HIBADH: variants seen among roughly 807,000 people sequenced by gnomAD.
The protein encoded by HIBADH is 3-hydroxyisobutyrate dehydrogenase.
Under a neutral mutation model 36.1 loss-of-function variants are expected in HIBADH, and 25 were observed. The observed-to-expected ratio is 0.69, with a 90% confidence interval of 0.50 to 0.97. HIBADH has a LOEUF of 0.97. HIBADH is among the 50% of genes least tolerant of loss of function. HIBADH has a pLI of 0.00. For missense variants in HIBADH, 421 were observed against 418.0 expected (o/e 1.01, Z -0.06); for synonymous variants, 160 against 149.5 (o/e 1.07, Z -0.51).
chr7:27,544,903 A>G (rs1008126799), intron 4 of HIBADH, among the ~76,000 whole-genome samples: 1 of 152,254 alleles, frequency 6.6e-6, no homozygotes, highest in South Asian at 2.1e-4. Flanking sequence ...TTGCTTAAGC[A>G]AGAGAAGACC....
At chr7:27,616,809 A>T (rs58486517) in intron 4 of HIBADH, among the ~76,000 whole-genome samples, 1,131 of 14,096 alleles carry the variant, frequency 0.08, 13 homozygotes, top group East Asian at 0.39. Context: ...AAAAAAAAAA[A>T]ATTTTTAATT....
chr7:27,538,431 G>A lies in HIBADH; in HGVS notation c.619-14C>T, dbSNP rs375843757. On this transcript the variant is annotated splice_polypyrimidine_tract_variant and intron_variant, in intron 5 of 7. Transcript: ENST00000265395. Reference sequence around the variant, plus strand: ...GATCTTTGCCGCCTGAAAATAAATTGAGTACATATTAAATATCTGTATTTT... The same window carrying A: ...GATCTTTGCCGCCTGAAAATAAATTAAGTACATATTAAATATCTGTATTTT... The A allele has an allele frequency of 1.9e-4, 299 of 1,605,942 alleles. 1 individual carries two copies. The highest frequency in any genetic ancestry group is 1.3e-4 in the South Asian group (12 of 90,900).
intron 2 of HIBADH, among the ~76,000 whole-genome samples, chr7:27,645,374 T>TTG (rs1562657243): frequency 8.2e-6 from 1 of 122,386 alleles, no homozygotes; most frequent in Non-Finnish European, 1.7e-5. Flanking sequence ...TTTGATTTTT[T>TTG]TTTTTTTTTT....
At chr7:27,549,284 A>AG in intron 4 of HIBADH, among the ~76,000 whole-genome samples, 1 of 152,222 alleles carries the variant, frequency 6.6e-6, no homozygotes, top group Non-Finnish European at 1.5e-5. Flanking sequence ...CTTTTATCAC[A>AG]AAAATAGTAT....
intron 4 of HIBADH, among the ~76,000 whole-genome samples, chr7:27,544,453 A>G (rs1375664096): frequency 6.6e-6 from 1 of 152,246 alleles, no homozygotes; most frequent in African/African-American, 2.4e-5. Flanking sequence ...TTTGGATTAT[A>G]TACAAAAACC....
At chr7:27,577,559 T>C (rs1330711454) in intron 4 of HIBADH, among the ~76,000 whole-genome samples, 2 of 152,204 alleles carry the variant, frequency 1.3e-5, no homozygotes, top group African/African-American at 4.8e-5. Context: ...AATTTAAAAA[T>C]CCATAAATAT....
intron 4 of HIBADH, among the ~76,000 whole-genome samples, chr7:27,601,684 A>C (rs765871622): frequency 5.7e-4 from 87 of 152,118 alleles, no homozygotes; most frequent in Non-Finnish European, 9.9e-4. Context: ...TAACTAAATA[A>C]GGTATTCTGG....
chr7:27,539,961 ATGAGTAGGC>A (rs1366670364), intron 5 of HIBADH, among the ~76,000 whole-genome samples: 1 of 152,054 alleles, frequency 6.6e-6, no homozygotes, highest in Non-Finnish European at 1.5e-5. Flanking sequence ...CATCTTAATA[ATGAGTAGGC>A]TGAGGAGGAA....
chr7:27,627,591 A>T (rs1785671345), intron 4 of HIBADH, among the ~76,000 whole-genome samples: 1 of 152,250 alleles, frequency 6.6e-6, no homozygotes, highest in Non-Finnish European at 1.5e-5. Context: ...GTTAAAATAC[A>T]GTAATTTTTA....
chr7:27,585,078 T>C (rs541257953), intron 4 of HIBADH, among the ~76,000 whole-genome samples: 4 of 152,094 alleles, frequency 2.6e-5, no homozygotes, highest in Admixed American at 2.0e-4. Context: ...TTTGTAAAAA[T>C]ATACATACAT....
At chr7:27,617,878 G>A (rs887918659) in intron 4 of HIBADH, among the ~76,000 whole-genome samples, 1 of 152,188 alleles carries the variant, frequency 6.6e-6, no homozygotes, top group Non-Finnish European at 1.5e-5. Flanking sequence ...AGACCTGAAT[G>A]GCTGTGGTGG....
intron 1 of HIBADH, among the ~76,000 whole-genome samples, chr7:27,653,072 C>A (rs1336046643): frequency 6.6e-6 from 1 of 151,688 alleles, no homozygotes; most frequent in Non-Finnish European, 1.5e-5. Flanking sequence ...GAGGATGCAG[C>A]GAGCCAAGAT....
At chr7:27,629,317 T>C (rs1484897558) in intron 4 of HIBADH, 54 bp downstream of exon 4, 8 of 1,559,652 alleles carry the variant, frequency 5.1e-6, no homozygotes, top group South Asian at 4.8e-5. Context: ...AAAACCATAA[T>C]TGCTACTTTT....
At chr7:27,568,413 C>A (rs1379696676) in intron 4 of HIBADH, among the ~76,000 whole-genome samples, 1 of 151,946 alleles carries the variant, frequency 6.6e-6, no homozygotes, top group Non-Finnish European at 1.5e-5. Context: ...TGTAATGCAT[C>A]ATTTTTTTTT....
chr7:27,582,591 T>G (rs918887982), intron 4 of HIBADH, among the ~76,000 whole-genome samples: 4 of 152,128 alleles, frequency 2.6e-5, no homozygotes, highest in Admixed American at 2.6e-4. Flanking sequence ...TACCAGGCAC[T>G]GGGTTTTACA....
intron 2 of HIBADH, among the ~76,000 whole-genome samples, chr7:27,634,278 T>C (rs1022820409): frequency 6.6e-6 from 1 of 152,170 alleles, no homozygotes; most frequent in Non-Finnish European, 1.5e-5. Flanking sequence ...ATGAGATACA[T>C]TCAACCTGTA....
intron 4 of HIBADH, among the ~76,000 whole-genome samples, chr7:27,567,491 A>G (rs1784564395): frequency 6.6e-6 from 1 of 151,976 alleles, no homozygotes; most frequent in African/African-American, 2.4e-5. Context: ...GTTAGTATTG[A>G]TAGGTTTGGA....
At chr7:27,594,159 T>TTCTGAAACAGAG (rs1784990028) in intron 4 of HIBADH, among the ~76,000 whole-genome samples, 2 of 150,890 alleles carry the variant, frequency 1.3e-5, no homozygotes, top group Non-Finnish European at 3.0e-5. Context: ...TTTGTTTTTT[T>TTCTGAAACAGAG]TCTGAAACAG....
intron 3 of HIBADH, among the ~76,000 whole-genome samples, chr7:27,631,699 C>T (rs1469777173): frequency 1.3e-5 from 2 of 152,162 alleles, no homozygotes; most frequent in Admixed American, 6.5e-5. Flanking sequence ...TTACTTAACC[C>T]ATTTATGCCT....
Sources: allele counts gnomAD v4.1 joint callset (sites outside exome capture counted in the v4.1 genomes callset), GRCh38; gene constraint gnomAD v4.1.1; transcripts MANE v1.5; gene names NCBI Gene and HGNC (gene_info 2026-07-23, HGNC 2026-07-21).